Variants in POLR1C observed in about 807,000 individuals in gnomAD.
The protein encoded by POLR1C is RNA polymerase I and III subunit C, also known as DNA-directed RNA polymerases I and III subunit RPAC1.
A neutral mutation model predicts 38.3 loss-of-function variants in POLR1C; 42 were observed. The ratio of observed to expected loss-of-function variants is 1.10; its 90% CI spans 0.86 to 1.42. The LOEUF (loss-of-function observed/expected upper bound fraction) is 1.42, where lower values mean the gene tolerates loss of function less well. Ranked by LOEUF, POLR1C falls within the 40% of genes most tolerant of loss-of-function variation. The pLI, the probability that POLR1C is intolerant of heterozygous loss-of-function variation, is 0.00. For synonymous variants in POLR1C, 163 were observed against 163.9 expected (o/e 0.99, Z 0.04); for missense variants, 507 against 450.5 (o/e 1.13, Z -1.14).
intron 2 of POLR1C, 52 bp from the exon 3 acceptor site, chr6:43,519,281 G>T: frequency 9.1e-7 from 1 of 1,096,854 alleles, no homozygotes. Flanking sequence ...GGTATGAAGA[G>T]ATATTACACA....
downstream of POLR1C, chr6:43,530,706 G>T: frequency 6.2e-7 from 1 of 1,613,904 alleles, no homozygotes; most frequent in Non-Finnish European, 8.5e-7. Context: ...GGTCTGAGTC[G>T]GTAGTCAGGA....
chr6:43,519,264 A>AGG (rs1793012214), intron 2 of POLR1C, 69 bp from the exon 3 acceptor site: 4 of 919,838 alleles, frequency 4.3e-6, no homozygotes, highest in Non-Finnish European at 7.1e-6. Context: ...GAATTATCTA[A>AGG]GGGGGAGGTA....
rs1207281295 is a variant in POLR1C at position 43,520,942 on chromosome 6, G to A, written c.816G>A (p.Val272=). 1 of 1,613,900 alleles carries A rather than the reference G, an allele frequency of 6.2e-7. No individual in the cohort carries two copies. The highest frequency in any genetic ancestry group is 2.2e-5 in the East Asian group (1 of 44,902). Residue 272 remains valine, a synonymous_variant, in exon 8 of 9, where the codon GTG becomes GTA. Transcript: ENST00000642195. The part of the protein sequence containing the change: ...IEVQEVQGKK[V]ARVANPRLDT... ...GTTTGTTCTCATTAGGTAAAAAGGT[G>A]GCCAGAGTTGCCAACCCCCGGCTGG...
At chr6:43,528,991 T>C (rs1473402434) in intron 8 of POLR1C, 3 of 1,458,460 alleles carry the variant, frequency 2.1e-6, no homozygotes, top group Non-Finnish European at 2.8e-6. Context: ...GGTGGTGGGT[T>C]GCACCCCTGG....
At chr6:43,546,276 TAC>T (rs1041820564) in intron 9 of POLR1C, among the ~76,000 whole-genome samples, 8 of 151,828 alleles carry the variant, frequency 5.3e-5, no homozygotes, top group Admixed American at 4.6e-4. Flanking sequence ...AAATAAAACT[TAC>T]AAGTAAAAAT....
In POLR1C at chr6:43,519,793, A is replaced by C. The variant is rs55653636; in HGVS notation, c.337A>C (p.Ile113Leu). The C allele has an allele frequency of 6.2e-7, 1 of 1,614,186 alleles. No individual in the cohort carries two copies. The highest frequency in any genetic ancestry group is 2.2e-5 in the East Asian group (1 of 44,888). ...DEILAHRLGL[I>L]PIHADPRLFE... ...GATTCTTGCTCACCGTCTGGGGCTCATTCCCATTCATGCTGATCCCCGTCT... is the reference window on the plus strand; with the variant it reads ...GATTCTTGCTCACCGTCTGGGGCTCCTTCCCATTCATGCTGATCCCCGTCT... Residue 113 changes from isoleucine (I) to leucine (L), a missense_variant, in exon 4 of 9, where the codon ATT becomes CTT. By Grantham distance (5) the Ile-to-Leu change is conservative (BLOSUM62 2). Coordinates refer to ENST00000642195, the MANE Select transcript of POLR1C (RefSeq NM_203290.4).
chr6:43,518,236 A>G (rs1486474722), intron 2 of POLR1C, among the ~76,000 whole-genome samples: 1 of 152,198 alleles, frequency 6.6e-6, no homozygotes, highest in Admixed American at 6.5e-5. Flanking sequence ...GATCTGTTGT[A>G]AGGGAAGCTG....
chr6:43,532,515 C>T (rs924488834), downstream of POLR1C, among the ~76,000 whole-genome samples: 2 of 152,248 alleles, frequency 1.3e-5, no homozygotes, highest in African/African-American at 4.8e-5. Flanking sequence ...CATTCCCAGA[C>T]TAGCTCCCTG....
At chr6:43,536,321 A>AT (rs1174975261) in intron 9 of POLR1C, among the ~76,000 whole-genome samples, 1 of 151,514 alleles carries the variant, frequency 6.6e-6, no homozygotes, top group African/African-American at 2.4e-5. Flanking sequence ...AGGTCAAGGC[A>AT]TAAGAATCGC....
At chr6:43,523,938 G>T (rs1432998574), downstream of POLR1C, 45 of 1,614,000 alleles carry the variant, frequency 2.8e-5, no homozygotes, top group Non-Finnish European at 3.6e-5. Context: ...CATTGGCTTT[G>T]TTTTTTTGAA....
At chr6:43,517,484 A>G in intron 2 of POLR1C, 107 bp downstream of exon 2, 1 of 950,074 alleles carries the variant, frequency 1.1e-6, no homozygotes, top group Non-Finnish European at 1.7e-6. Context: ...CTCCGTTTGT[A>G]AGTTTGTTGA....
chr6:43,550,043 G>A, intron 9 of POLR1C: 1 of 1,170,994 alleles, frequency 8.5e-7, no homozygotes, highest in Non-Finnish European at 1.2e-6. Flanking sequence ...TGATTCTCCT[G>A]CTTTAGCCTT....
chr6:43,548,272 T>C (rs1561875750), intron 9 of POLR1C: 4 of 1,610,038 alleles, frequency 2.5e-6, no homozygotes, highest in East Asian at 4.5e-5. Flanking sequence ...TGTGCATGTC[T>C]TGAGAAAGCC....
Position 43,520,822 on chromosome 6 carries a change from C to G in POLR1C, c.805+48C>G, listed in dbSNP as rs766901419. 3 of 1,610,230 alleles carry G rather than the reference C, an allele frequency of 1.9e-6. No individual in the cohort carries two copies. In the South Asian group the frequency reaches 3.3e-5, roughly 18 times the overall value. On this transcript the variant is annotated intron_variant, in intron 7 of 8. Coordinates refer to ENST00000642195, the MANE Select transcript of POLR1C (RefSeq NM_203290.4). ...CAAGTTAGGACCTAAATTATATTTTCTTTCAAGGTGACAGAAATAAAAACC... is the reference window on the plus strand; with the variant it reads ...CAAGTTAGGACCTAAATTATATTTTGTTTCAAGGTGACAGAAATAAAAACC...
intron 10 of POLR1C, among the ~76,000 whole-genome samples, chr6:43,559,312 A>C (rs1397793386): frequency 6.6e-6 from 1 of 152,158 alleles, no homozygotes; most frequent in African/African-American, 2.4e-5. Flanking sequence ...AAAACACAGA[A>C]CACCAGTGTG....
In POLR1C at chr6:43,551,917, T is replaced by C. The variant is rs553718766; in HGVS notation, c.*48+906T>C. 3.9e-4 allele frequency among the ~76,000 whole-genome samples: 60 copies of C among 152,312 alleles called. 1 individual carries two copies. The highest frequency in any genetic ancestry group is 1.4e-3 in the African/African-American group (57 of 41,578). ...CCTGGGTTCAAGCATTCCTCCCATCTTGGCCTCCCAAAGTGTTGGGATTAC... is the reference window on the plus strand; with the variant it reads ...CCTGGGTTCAAGCATTCCTCCCATCCTGGCCTCCCAAAGTGTTGGGATTAC... On this transcript the variant is annotated intron_variant, in intron 10 of 10. Coordinates refer to the POLR1C transcript ENST00000607635.
In POLR1C at chr6:43,520,659, AGCCAGTTACAGGCTCCT is replaced by A. The variant is rs1340915904; in HGVS notation, c.696_712del (p.Ser232ArgfsTer6). On this transcript the variant is annotated frameshift_variant, in exon 7 of 9. Transcript: ENST00000642195. LOFTEE classifies it high-confidence loss of function. ...ATGCCAAGTTTTCACCAGTGGCAAC[AGCCAGTTACAGGCTCCT>A]GCCAGACATCACCCTGCTTGAGCCC... 1.4e-5 allele frequency: 22 copies of A among 1,614,186 alleles called. No homozygotes were observed. Among genetic ancestry groups the A allele is most frequent in the Non-Finnish European group, 1.8e-5 (21 of 1,180,040 alleles).
downstream of POLR1C, chr6:43,525,508 G>A (rs1793526673): frequency 4.0e-6 from 2 of 495,448 alleles, no homozygotes; most frequent in Non-Finnish European, 7.1e-6. Flanking sequence ...TTTGTGTATT[G>A]CCAGTCAAAA....
intron 10 of POLR1C, among the ~76,000 whole-genome samples, chr6:43,559,393 A>G (rs761031805): frequency 1.3e-5 from 2 of 152,240 alleles, no homozygotes; most frequent in Non-Finnish European, 2.9e-5. Flanking sequence ...CTGATGTTAC[A>G]AATTGAGATT....
Sources: allele counts gnomAD v4.1 joint callset (sites outside exome capture counted in the v4.1 genomes callset), GRCh38; gene constraint gnomAD v4.1.1; transcripts MANE v1.5; gene names NCBI Gene and HGNC (gene_info 2026-07-23, HGNC 2026-07-21).